FRMPD3: variants seen among roughly 807,000 people sequenced by gnomAD.
FRMPD3 encodes FERM and PDZ domain containing 3.
A neutral mutation model predicts 97.9 loss-of-function variants in FRMPD3; 42 were observed. The observed-to-expected ratio is 0.43, with a 90% CI of 0.34 to 0.55. FRMPD3 has a LOEUF of 0.55. FRMPD3 is among the 20% of genes least tolerant of loss of function. The probability of loss-of-function intolerance (pLI) is 0.03; values close to 1 mark genes in which losing one functional copy is unlikely to be tolerated. For missense variants in FRMPD3, 1,303 were observed against 1,457.7 expected (o/e 0.89, Z 1.73); for synonymous variants, 577 against 581.1 (o/e 0.99, Z 0.10).
intron 1 of FRMPD3, among the ~76,000 whole-genome samples, chrX:107,516,821 T>G (rs1922349070): frequency 9.0e-6 from 1 of 111,150 alleles, no homozygotes; most frequent in Non-Finnish European, 1.9e-5. Flanking sequence ...TCCCATTCTG[T>G]AGGTTACCTG....
intron 12 of FRMPD3, among the ~76,000 whole-genome samples, chrX:107,572,774 G>T (rs2147612778): frequency 9.2e-6 from 1 of 109,248 alleles, no homozygotes; most frequent in Non-Finnish European, 1.9e-5. Context: ...GTCATTCAGG[G>T]TGTCTCATGC....
intron 1 of FRMPD3, among the ~76,000 whole-genome samples, chrX:107,473,912 C>T (rs150842237): frequency 0.014 from 1,523 of 111,595 alleles, 22 homozygotes; most frequent in South Asian, 0.12. Flanking sequence ...GGTGAAACCC[C>T]GTCTCTACTA....
intron 4 of FRMPD3, among the ~76,000 whole-genome samples, chrX:107,541,366 C>T (rs948291979): frequency 8.9e-6 from 1 of 112,418 alleles, no homozygotes; most frequent in South Asian, 3.7e-4. Context: ...GACTCCATGA[C>T]ATCTAGCACA....
At chrX:107,550,286 G>A (rs1025561671) in intron 6 of FRMPD3, 130 bp downstream of exon 6, 9 of 477,068 alleles carry the variant, frequency 1.9e-5, no homozygotes, top group Non-Finnish European at 2.9e-5. Context: ...AGCTCTGGAT[G>A]CTTGTTAGCA....
At chrX:107,488,789 A>G (rs1659673455) in intron 1 of FRMPD3, among the ~76,000 whole-genome samples, 1 of 111,313 alleles carries the variant, frequency 9.0e-6, no homozygotes, top group Non-Finnish European at 1.9e-5. Flanking sequence ...ACAAACAAAC[A>G]AAAAAACACT....
intron 1 of FRMPD3, among the ~76,000 whole-genome samples, chrX:107,482,230 G>A (rs1304434729): frequency 9.0e-6 from 1 of 111,471 alleles, no homozygotes; most frequent in African/African-American, 3.3e-5. Context: ...CTGGAGTCAG[G>A]CCAAGCTCCA....
chrX:107,478,887 T>C (rs1294428422), intron 1 of FRMPD3, among the ~76,000 whole-genome samples: 1 of 111,640 alleles, frequency 9.0e-6, no homozygotes, highest in Admixed American at 9.5e-5. Context: ...GCTGAGAATC[T>C]GGTTTGGGGT....
intron 13 of FRMPD3, among the ~76,000 whole-genome samples, chrX:107,586,048 T>G (rs1009693699): frequency 1.5e-4 from 17 of 112,230 alleles, no homozygotes; most frequent in African/African-American, 5.2e-4. Context: ...TCTGGTAGAA[T>G]TTGGCTGTGA....
intron 12 of FRMPD3, among the ~76,000 whole-genome samples, chrX:107,572,192 T>C (rs1211583367): frequency 1.8e-5 from 2 of 111,794 alleles, no homozygotes; most frequent in Non-Finnish European, 3.8e-5. Flanking sequence ...TGGCAGCTTG[T>C]TGGGTGGACA....
intron 12 of FRMPD3, among the ~76,000 whole-genome samples, chrX:107,567,600 T>C (rs1211462177): frequency 9.0e-6 from 1 of 111,667 alleles, no homozygotes; most frequent in Non-Finnish European, 1.9e-5. Context: ...GCAAGCCATA[T>C]GTGCAGGTCG....
chrX:107,571,263 T>A (rs1480726665), intron 12 of FRMPD3, among the ~76,000 whole-genome samples: 1 of 112,449 alleles, frequency 8.9e-6, no homozygotes, highest in Non-Finnish European at 1.9e-5. Context: ...ATCATTAAAA[T>A]CCTATCTAAA....
chrX:107,506,644 G>A (rs747353617), intron 1 of FRMPD3, among the ~76,000 whole-genome samples: 1 of 112,357 alleles, frequency 8.9e-6, no homozygotes, highest in Non-Finnish European at 1.9e-5. Flanking sequence ...CCCTTCCCAG[G>A]TCCCCCGAGT....
chrX:107,504,565 C>G (rs1204122051), intron 1 of FRMPD3, among the ~76,000 whole-genome samples: 5 of 112,114 alleles, frequency 4.5e-5, no homozygotes, highest in Non-Finnish European at 9.4e-5. Context: ...GTTTGCATAG[C>G]AAGCATAGTA....
chrX:107,530,795 C>T (rs1028421176), intron 3 of FRMPD3, among the ~76,000 whole-genome samples: 1 of 110,748 alleles, frequency 9.0e-6, no homozygotes, highest in Non-Finnish European at 1.9e-5. Context: ...AATCTCTTCA[C>T]CCCAGCCCCT....
chrX:107,542,365 G>A (rs1921351529), intron 4 of FRMPD3, among the ~76,000 whole-genome samples: 1 of 111,792 alleles, frequency 8.9e-6, no homozygotes, highest in Non-Finnish European at 1.9e-5. Flanking sequence ...AGAAGTCTAA[G>A]GTTCCTTTAG....
At chrX:107,543,869 A>T in intron 4 of FRMPD3, among the ~76,000 whole-genome samples, 1 of 110,173 alleles carries the variant, frequency 9.1e-6, no homozygotes, top group Non-Finnish European at 1.9e-5. Context: ...CTACTTGTGG[A>T]TATATATCCA....
At chrX:107,578,652 G>T (rs1168022631) in intron 13 of FRMPD3, among the ~76,000 whole-genome samples, 3 of 111,892 alleles carry the variant, frequency 2.7e-5, no homozygotes, top group Admixed American at 9.5e-5. Context: ...GAAATAATCA[G>T]CTTAGGGGCA....
intron 13 of FRMPD3, among the ~76,000 whole-genome samples, chrX:107,595,947 AAAAAAG>A (rs1364922907): frequency 1.1e-4 from 12 of 110,625 alleles, no homozygotes; most frequent in African/African-American, 3.9e-4. Context: ...CAAAAAAAAA[AAAAAAG>A]AAAAGAAAAG....
chrX:107,525,450 G>A (rs1289847917), intron 1 of FRMPD3: 7 of 467,634 alleles, frequency 1.5e-5, no homozygotes, highest in African/African-American at 4.8e-5. Flanking sequence ...GCCTCCCCTG[G>A]CCCTTGATGG....
Sources: allele counts gnomAD v4.1 joint callset (sites outside exome capture counted in the v4.1 genomes callset), GRCh38; gene constraint gnomAD v4.1.1; transcripts MANE v1.5; gene names NCBI Gene and HGNC (gene_info 2026-07-23, HGNC 2026-07-21).